Variants in SCYL2 observed in about 807,000 individuals in gnomAD.
SCYL2 encodes SCY1 like pseudokinase 2.
A neutral mutation model predicts 100.4 loss-of-function variants in SCYL2; 36 were observed. The ratio of observed to expected loss-of-function variants is 0.36; its 90% CI spans 0.27 to 0.47. The LOEUF (loss-of-function observed/expected upper bound fraction) is 0.47, where lower values mean the gene tolerates loss of function less well. SCYL2 is among the 20% of genes least tolerant of loss of function. The pLI is 1.00. For missense variants in SCYL2, 902 were observed against 1,083.9 expected, an observed-to-expected ratio of 0.83 and a Z score of 2.36; for synonymous variants, 330 against 359.2, an observed-to-expected ratio of 0.92 and a Z score of 0.92.
At chr12:100,324,462 C>T (rs547210880) in intron 11 of SCYL2, among the ~76,000 whole-genome samples, 5 of 151,936 alleles carry the variant, frequency 3.3e-5, no homozygotes, top group African/African-American at 1.2e-4. Flanking sequence ...CTGGAGATCC[C>T]GTCTTTATCT....
chr12:100,312,538 C>A lies in SCYL2; in HGVS notation c.737C>A (p.Ala246Asp). 1.9e-6 allele frequency: 3 copies of A among 1,612,990 alleles called. No individual in the cohort carries two copies. In the South Asian group the frequency reaches 3.3e-5, roughly 18 times the overall value. ...EYILSVSCETASDMYSLGTVM... is the reference protein window; with the variant it reads ...EYILSVSCETDSDMYSLGTVM... ...ATACTTTCTGTGAGCTGTGAAACAG[C>A]CAGTGATATGTATTCTTTAGGAACT... The change falls in exon 6 of 18, where the codon GCC (alanine) becomes GAC (aspartate). Residue 246 changes from alanine to aspartate, a missense_variant. Coordinates refer to ENST00000360820, the MANE Select transcript of SCYL2 (RefSeq NM_017988.6).
intron 12 of SCYL2, among the ~76,000 whole-genome samples, chr12:100,328,123 C>T (rs560461367): frequency 6.6e-6 from 1 of 152,006 alleles, no homozygotes; most frequent in Admixed American, 6.5e-5. Context: ...ACTAGAAATA[C>T]AATAATTAGC....
rs779868937 is a variant in SCYL2, at chr12:100,290,990, A to T, written c.178-513A>T. Among the ~76,000 whole-genome samples, 309 of 152,298 alleles carry T rather than the reference A, an allele frequency of 2.0e-3. 5 individuals carry two copies. Among genetic ancestry groups the T allele is most frequent in the Admixed American group, 1.9e-3 (29 of 15,302 alleles). On this transcript the variant is annotated intron_variant, in intron 2 of 17. Coordinates refer to ENST00000360820, the MANE Select transcript of SCYL2 (RefSeq NM_017988.6). ...CAAGTCCCTGTACTAGTAACCGTTT[A>T]CATTTACTGCCCCTAACAAGATGGG...
chr12:100,303,409 C>T (rs949452401), intron 4 of SCYL2, among the ~76,000 whole-genome samples: 11 of 152,198 alleles, frequency 7.2e-5, no homozygotes, highest in Admixed American at 1.3e-4. Flanking sequence ...TCTTTGATGT[C>T]GGTGACTTTC....
chr12:100,329,487 G>A (rs924759171), intron 13 of SCYL2, among the ~76,000 whole-genome samples, 168 bp downstream of exon 13: 5 of 152,084 alleles, frequency 3.3e-5, no homozygotes, highest in African/African-American at 9.7e-5. Context: ...TGTTAAAGAC[G>A]TCATTGGTAA....
intron 4 of SCYL2, among the ~76,000 whole-genome samples, chr12:100,300,102 T>C (rs2096325762): frequency 6.6e-6 from 1 of 152,236 alleles, no homozygotes; most frequent in Non-Finnish European, 1.5e-5. Context: ...TGTATTTCTC[T>C]GATCAATAAT....
intron 3 of SCYL2, among the ~76,000 whole-genome samples, chr12:100,294,859 G>A (rs1191390134): frequency 6.6e-6 from 1 of 151,842 alleles, no homozygotes; most frequent in Non-Finnish European, 1.5e-5. Context: ...TCATTTCCCA[G>A]ACGGGGTGGC....
At chr12:100,290,033 T>TCAA (rs2096308746) in intron 2 of SCYL2, among the ~76,000 whole-genome samples, 5 of 152,230 alleles carry the variant, frequency 3.3e-5, no homozygotes, top group Non-Finnish European at 7.3e-5. Flanking sequence ...CAAGTCTTGA[T>TCAA]GTTAGTGGTG....
intron 10 of SCYL2, among the ~76,000 whole-genome samples, chr12:100,320,473 G>A (rs994689950): frequency 5.9e-5 from 9 of 151,934 alleles, no homozygotes; most frequent in Non-Finnish European, 8.8e-5. Flanking sequence ...GCTTGAACCC[G>A]GGAGGCGGAG....
chr12:100,291,408 T>C, intron 2 of SCYL2, 95 bp from the exon 3 acceptor site: 1 of 842,130 alleles, frequency 1.2e-6, no homozygotes. Context: ...GGTGCTAAAA[T>C]TTTTATGGCA....
At chr12:100,286,341 C>G (rs1231925031) in intron 2 of SCYL2, among the ~76,000 whole-genome samples, 1 of 152,098 alleles carries the variant, frequency 6.6e-6, no homozygotes, top group Non-Finnish European at 1.5e-5. Flanking sequence ...TTTAGTTTGA[C>G]ATAAGATTCT....
At chr12:100,272,873 G>A (rs981238642) in intron 1 of SCYL2, among the ~76,000 whole-genome samples, 3 of 152,052 alleles carry the variant, frequency 2.0e-5, no homozygotes, top group Non-Finnish European at 4.4e-5. Context: ...AGTATATAAC[G>A]TAGTTTAACA....
intron 1 of SCYL2, among the ~76,000 whole-genome samples, chr12:100,270,345 T>G (rs2096286285): frequency 6.6e-6 from 1 of 152,198 alleles, no homozygotes; most frequent in Non-Finnish European, 1.5e-5. Context: ...AGTGATCATT[T>G]AATCTAATTT....
intron 4 of SCYL2, among the ~76,000 whole-genome samples, chr12:100,309,283 T>G (rs1461117095): frequency 6.6e-6 from 1 of 152,144 alleles, no homozygotes; most frequent in Non-Finnish European, 1.5e-5. Context: ...TTAAGTACAT[T>G]CACATTGTCA....
rs1163592480 is a variant in SCYL2, at chr12:100,340,869, G to C, written c.*1697G>C. 1 of 152,032 alleles carries C rather than the reference G, an allele frequency of 6.6e-6. No individual in the cohort carries two copies. The highest frequency in any genetic ancestry group is 1.5e-5 in the Non-Finnish European group (1 of 67,920). The allele number at this position is 152,032 out of a possible 1,614,324, so 9.4% of individuals were successfully genotyped here. A position where few individuals can be genotyped will look rare whatever the true frequency, so the allele number is the denominator to read the frequency against. ...ACAACTTGACCAGATTAGCTGTCCT[G>C]TTTGTAATGCAATATTAATATGTCT... On this transcript the variant is annotated 3_prime_UTR_variant, in exon 18 of 18. Transcript: ENST00000360820.
At position 100,341,591 on chromosome 12, in the gene SCYL2, T is replaced by A. The variant is rs941955549; in HGVS notation, c.*2419T>A. The stretch of plus-strand genomic sequence containing the variant: ...CTTTACACTGAATAAGGAAGTAGTT[T>A]TTGTTTTCTTTTGACCTGTAAAATA... On this transcript the variant is annotated 3_prime_UTR_variant, in exon 18 of 18. Transcript: ENST00000360820. 8 of 151,672 alleles carry A rather than the reference T, an allele frequency of 5.3e-5. No individual in the cohort carries two copies. The highest frequency in any genetic ancestry group is 8.8e-5 in the Non-Finnish European group (6 of 68,020). The allele number at this position is 151,672 out of a possible 1,614,324, so 9.4% of individuals were successfully genotyped here. A position where few individuals can be genotyped will look rare whatever the true frequency, so the allele number is the denominator to read the frequency against.
chr12:100,311,989 A>T (rs751312814), intron 5 of SCYL2, among the ~76,000 whole-genome samples: 15 of 152,194 alleles, frequency 9.9e-5, no homozygotes, highest in Non-Finnish European at 1.8e-4. Context: ...TTGGATATAT[A>T]TCATGAGTGG....
chr12:100,311,353 A>G (rs1174677590), intron 5 of SCYL2, among the ~76,000 whole-genome samples, 160 bp downstream of exon 5: 1 of 152,194 alleles, frequency 6.6e-6, no homozygotes, highest in Non-Finnish European at 1.5e-5. Context: ...TCTTCGGCAC[A>G]TTACTACCAC....
At chr12:100,272,208 A>G (rs2096288407) in intron 1 of SCYL2, among the ~76,000 whole-genome samples, 1 of 152,216 alleles carries the variant, frequency 6.6e-6, no homozygotes, top group Non-Finnish European at 1.5e-5. Context: ...GTACAATGAG[A>G]AATGCCTTAC....
Sources: gnomAD v4.1 joint callset for allele counts (sites outside exome capture counted in the v4.1 genomes callset) on GRCh38, gnomAD v4.1.1 for gene constraint, MANE v1.5 for transcripts, NCBI Gene and HGNC (gene_info 2026-07-23, HGNC 2026-07-21) for gene names.